The following ITFG1 variants were observed in gnomAD, a reference collection of about 807,000 sequenced individuals.
ITFG1 encodes the protein integrin alpha FG-GAP repeat containing 1, also known as T-cell immunomodulatory protein.
ITFG1 carries 34 observed loss-of-function variants against 81.8 expected under a neutral mutation model. That is an observed-to-expected ratio of 0.42 (90% confidence interval 0.32 to 0.55). The LOEUF (loss-of-function observed/expected upper bound fraction) is 0.55, where lower values mean the gene tolerates loss of function less well. Among genes scored for constraint, ITFG1 ranks in the 20% least tolerant of loss-of-function variants. ITFG1 has a pLI of 0.17. For missense variants in ITFG1, 672 were observed against 755.4 expected, an observed-to-expected ratio of 0.89 and a Z score of 1.29; for synonymous variants, 285 against 270.6, an observed-to-expected ratio of 1.05 and a Z score of -0.52.
chr16:47,452,698 T>C (rs766813516), intron 4 of ITFG1, 35 bp downstream of exon 4: 1 of 1,428,924 alleles, frequency 7.0e-7, no homozygotes, highest in Non-Finnish European at 9.7e-7. Context: ...TGTTTAAGTT[T>C]AAAATCGTTT....
chr16:47,176,407 G>A (rs1235858236), intron 14 of ITFG1, among the ~76,000 whole-genome samples: 1 of 152,160 alleles, frequency 6.6e-6, no homozygotes, highest in African/African-American at 2.4e-5. Context: ...AGAACGGCAA[G>A]CTGGATAATA....
At chr16:47,240,046 C>G (rs1229161424) in intron 12 of ITFG1, among the ~76,000 whole-genome samples, 2 of 151,236 alleles carry the variant, frequency 1.3e-5, no homozygotes, top group African/African-American at 2.4e-5. Context: ...AATCCCAGCA[C>G]TTTGGGAAGC....
intron 12 of ITFG1, among the ~76,000 whole-genome samples, chr16:47,241,684 G>A (rs547069860): frequency 1.3e-5 from 2 of 152,242 alleles, no homozygotes; most frequent in South Asian, 4.1e-4. Context: ...GGCCGGGCGC[G>A]GTGGCTCATG....
chr16:47,158,713 AATT>A (rs1964754147), intron 17 of ITFG1, among the ~76,000 whole-genome samples, 157 bp downstream of exon 17: 1 of 152,232 alleles, frequency 6.6e-6, no homozygotes, highest in Non-Finnish European at 1.5e-5. Flanking sequence ...GGATAAAAGA[AATT>A]ATCATCAATA....
intron 10 of ITFG1, among the ~76,000 whole-genome samples, chr16:47,291,800 A>AT (rs1017952900): frequency 1.3e-5 from 2 of 151,760 alleles, no homozygotes; most frequent in Non-Finnish European, 2.9e-5. Context: ...TGTGGTTTTT[A>AT]TTTTTTTATT....
In ITFG1 at chr16:47,335,285, A is replaced by G. The variant is rs551524049; in HGVS notation, c.803-21462T>C. ...GGCAGGAGAATCATTTGAACCTGGG[A>G]GGCGGAGGTTGCTGTGAGCCCAGAT... On this transcript the variant is annotated intron_variant, in intron 8 of 17. Coordinates refer to ENST00000320640, the MANE Select transcript of ITFG1 (RefSeq NM_030790.5). Among the ~76,000 whole-genome samples the G allele has an allele frequency of 3.9e-5, 6 of 152,240 alleles. No individual in the cohort carries two copies. In the South Asian group the frequency reaches 1.0e-3, roughly 26 times the overall value.
intron 8 of ITFG1, among the ~76,000 whole-genome samples, chr16:47,319,417 C>T (rs1270562885): frequency 1.3e-5 from 2 of 152,182 alleles, no homozygotes; most frequent in East Asian, 3.8e-4. Context: ...ATAACAGTAG[C>T]TTGTCTGTCA....
intron 10 of ITFG1, among the ~76,000 whole-genome samples, chr16:47,279,902 C>T (rs528089386): frequency 1.3e-5 from 2 of 152,136 alleles, no homozygotes; most frequent in East Asian, 3.9e-4. Context: ...GTATTGATTT[C>T]TATTTCTAGT....
intron 14 of ITFG1, among the ~76,000 whole-genome samples, chr16:47,217,817 CG>C (rs1214383718): frequency 1.3e-5 from 2 of 151,886 alleles, no homozygotes; most frequent in Non-Finnish European, 2.9e-5. Flanking sequence ...CCCAGCTGCT[CG>C]GGAGGCTGAG....
At chr16:47,302,479 G>T (rs914340632) in intron 10 of ITFG1, among the ~76,000 whole-genome samples, 1 of 151,820 alleles carries the variant, frequency 6.6e-6, no homozygotes, top group Non-Finnish European at 1.5e-5. Context: ...CACAGCCCTC[G>T]CTTGCTCTCA....
At chr16:47,373,977 G>A (rs1237705522) in intron 7 of ITFG1, among the ~76,000 whole-genome samples, 1 of 152,096 alleles carries the variant, frequency 6.6e-6, no homozygotes, top group Admixed American at 6.6e-5. Flanking sequence ...ATTAACTATT[G>A]TTACTGTGGA....
intron 14 of ITFG1, among the ~76,000 whole-genome samples, chr16:47,171,029 C>CTTTTTTT (rs61494352): frequency 2.0e-5 from 2 of 97,740 alleles, no homozygotes; most frequent in Non-Finnish European, 2.1e-5. Context: ...GCCACTGTGC[C>CTTTTTTT]TTTTTTTTTT....
intron 13 of ITFG1, among the ~76,000 whole-genome samples, chr16:47,236,500 G>C (rs1420993462): frequency 6.8e-6 from 1 of 146,606 alleles, no homozygotes; most frequent in African/African-American, 2.5e-5. Context: ...AAAAAAAAGT[G>C]TCACCTGCCT....
At chr16:47,446,280 C>T (rs1036366755) in intron 5 of ITFG1, among the ~76,000 whole-genome samples, 1 of 152,066 alleles carries the variant, frequency 6.6e-6, no homozygotes, top group Non-Finnish European at 1.5e-5. Flanking sequence ...ACAAAGTCAC[C>T]CTGGTAAATT....
intron 7 of ITFG1, among the ~76,000 whole-genome samples, chr16:47,369,555 T>C (rs1255445962): frequency 6.6e-6 from 1 of 152,208 alleles, no homozygotes; most frequent in Non-Finnish European, 1.5e-5. Flanking sequence ...TTGCTACTCA[T>C]TTACTCCATG....
intron 8 of ITFG1, among the ~76,000 whole-genome samples, chr16:47,330,196 G>C (rs1161076408): frequency 2.0e-5 from 3 of 151,932 alleles, no homozygotes; most frequent in Non-Finnish European, 2.9e-5. Flanking sequence ...ATGGGAAAAA[G>C]GACTCTCTAT....
rs146453526 is a variant in ITFG1, at chr16:47,401,532, G to A, written c.656-25592C>T. The stretch of plus-strand genomic sequence containing the variant: ...AAAAAGGGACACAAAAGTAGGAAGT[G>A]TCAGATGCTACCTAGAGGTTAATTA... On this transcript the variant is annotated intron_variant, in intron 6 of 17. Coordinates refer to ENST00000320640, the MANE Select transcript of ITFG1 (RefSeq NM_030790.5). Among the ~76,000 whole-genome samples, 846 of 152,290 alleles carry A rather than the reference G, an allele frequency of 5.6e-3. 7 individuals are homozygous for A. Among genetic ancestry groups the A allele is most frequent in the Middle Eastern group, 0.02 (6 of 294 alleles).
chr16:47,190,857 A>G (rs1169085158), intron 14 of ITFG1, among the ~76,000 whole-genome samples: 1 of 152,184 alleles, frequency 6.6e-6, no homozygotes, highest in Non-Finnish European at 1.5e-5. Context: ...TCATGCAGCT[A>G]CACTCAGCTG....
chr16:47,177,290 C>G (rs1241681466), intron 14 of ITFG1, among the ~76,000 whole-genome samples: 1 of 152,120 alleles, frequency 6.6e-6, no homozygotes, highest in Non-Finnish European at 1.5e-5. Flanking sequence ...TTAAAATCTT[C>G]CCGGCTATAC....
Sources: gnomAD v4.1 joint callset for allele counts (sites outside exome capture counted in the v4.1 genomes callset) on GRCh38, gnomAD v4.1.1 for gene constraint, MANE v1.5 for transcripts, NCBI Gene and HGNC (gene_info 2026-07-23, HGNC 2026-07-21) for gene names.